The following ELAVL4 variants were observed in gnomAD, a reference collection of about 807,000 sequenced individuals.
ELAVL4 encodes the protein ELAV-like protein 4.
Under a neutral mutation model 35.6 loss-of-function variants are expected in ELAVL4, and 1 was observed. That is an observed-to-expected ratio of 0.03 (90% CI 0.01 to 0.13). The LOEUF (loss-of-function observed/expected upper bound fraction) is 0.13, where lower values mean the gene tolerates loss of function less well. Ranked by LOEUF, ELAVL4 falls within the 10% of genes least tolerant of loss-of-function variation. ELAVL4 has a pLI of 1.00. For synonymous variants in ELAVL4, 156 were observed against 171.0 expected (o/e 0.91, Z 0.69); for missense variants, 267 against 464.9 (o/e 0.57, Z 3.91).
At chr1:50,070,132 C>T (rs1213221948) in intron 1 of ELAVL4, among the ~76,000 whole-genome samples, 1 of 152,144 alleles carries the variant, frequency 6.6e-6, no homozygotes. Flanking sequence ...GCTTTCTTGA[C>T]ACTGTTAATG....
intron 1 of ELAVL4, among the ~76,000 whole-genome samples, chr1:50,060,771 A>C (rs1663921557): frequency 1.3e-5 from 2 of 152,164 alleles, no homozygotes; most frequent in South Asian, 4.1e-4. Context: ...ACAGGCCCAG[A>C]ACCTGATTTC....
intron 1 of ELAVL4, among the ~76,000 whole-genome samples, chr1:50,095,398 T>C (rs1034492508): frequency 5.3e-5 from 8 of 152,124 alleles, no homozygotes; most frequent in Admixed American, 2.6e-4. Context: ...CATAATATTT[T>C]GCTTAGAAAA....
At chr1:50,157,295 C>G (rs184744268) in intron 2 of ELAVL4, among the ~76,000 whole-genome samples, 1 of 152,110 alleles carries the variant, frequency 6.6e-6, no homozygotes, top group Non-Finnish European at 1.5e-5. Flanking sequence ...ACTGACTTTT[C>G]GCACCTTTCT....
At chr1:50,066,432 T>A (rs774837458) in intron 1 of ELAVL4, among the ~76,000 whole-genome samples, 2 of 152,180 alleles carry the variant, frequency 1.3e-5, no homozygotes, top group African/African-American at 2.4e-5. Flanking sequence ...TTTTCTTTCA[T>A]CATTTCATGT....
At chr1:50,142,200 T>C (rs1388739289) in intron 1 of ELAVL4, among the ~76,000 whole-genome samples, 3 of 152,176 alleles carry the variant, frequency 2.0e-5, no homozygotes. Context: ...ACTAAGTTTT[T>C]TGTTTTTTTG....
rs572365646 is a variant in ELAVL4 at position 50,070,844 on chromosome 1, C to T, written c.18+22662C>T. On this transcript the variant is annotated intron_variant, in intron 1 of 6. Transcript: ENST00000448907. Reference sequence around the variant, plus strand: ...CTTCAACTTTTTGCTTTGGAAATACCACATACTCCATAGGACTGTTGGTGG... The same window carrying T: ...CTTCAACTTTTTGCTTTGGAAATACTACATACTCCATAGGACTGTTGGTGG... Among the ~76,000 whole-genome samples the T allele has an allele frequency of 1.9e-3, 293 of 152,012 alleles. 10 individuals carry two copies. In the South Asian group the frequency reaches 0.06, roughly 31 times the overall value.
intron 3 of ELAVL4, among the ~76,000 whole-genome samples, chr1:50,182,281 A>T (rs924637274): frequency 6.6e-6 from 1 of 152,260 alleles, no homozygotes; most frequent in African/African-American, 2.4e-5. Context: ...ATTGATGTTC[A>T]AATTACATTG....
At chr1:50,136,138 A>G (rs1671845644) in intron 1 of ELAVL4, among the ~76,000 whole-genome samples, 2 of 152,188 alleles carry the variant, frequency 1.3e-5, no homozygotes, top group Non-Finnish European at 2.9e-5. Context: ...CTTTAAAGAA[A>G]TATGAAATTG....
At chr1:50,119,197 C>T (rs1668611136) in intron 1 of ELAVL4, among the ~76,000 whole-genome samples, 1 of 151,980 alleles carries the variant, frequency 6.6e-6, no homozygotes, top group Non-Finnish European at 1.5e-5. Context: ...GAGGATTTTG[C>T]AGGTGTGTGT....
chr1:50,069,844 C>G (rs1186735815), intron 1 of ELAVL4, among the ~76,000 whole-genome samples: 1 of 152,174 alleles, frequency 6.6e-6, no homozygotes, highest in Non-Finnish European at 1.5e-5. Flanking sequence ...CCTTTGTAGA[C>G]CCTTCTTGTG....
intron 1 of ELAVL4, among the ~76,000 whole-genome samples, chr1:50,064,834 C>T (rs188478796): frequency 1.8e-4 from 28 of 152,308 alleles, no homozygotes; most frequent in Admixed American, 1.2e-3. Flanking sequence ...TACTTTTCAT[C>T]TCTTACTGTT....
chr1:50,107,043 T>C (rs1666388586), upstream of ELAVL4, among the ~76,000 whole-genome samples: 1 of 152,236 alleles, frequency 6.6e-6, no homozygotes, highest in Admixed American at 6.5e-5. Flanking sequence ...GTCAGCATTG[T>C]CTTAATGTTT....
chr1:50,104,111 C>T (rs1325927315), upstream of ELAVL4: 6 of 1,151,524 alleles, frequency 5.2e-6, no homozygotes, highest in African/African-American at 1.5e-5. Context: ...CTTAAAAACC[C>T]GCTTCATCTT....
intron 1 of ELAVL4, among the ~76,000 whole-genome samples, chr1:50,126,785 C>T (rs776565842): frequency 1.2e-4 from 18 of 152,112 alleles, no homozygotes; most frequent in Non-Finnish European, 2.2e-4. Context: ...CCTGAAATTA[C>T]CTTAAAAACA....
intron 2 of ELAVL4, among the ~76,000 whole-genome samples, chr1:50,166,105 G>A (rs1677871486): frequency 1.3e-5 from 2 of 151,954 alleles, no homozygotes; most frequent in Non-Finnish European, 2.9e-5. Context: ...GGGTGGATCT[G>A]CCTTTGTTAA....
At chr1:50,050,332 C>T (rs1663288308) in intron 1 of ELAVL4, among the ~76,000 whole-genome samples, 1 of 152,160 alleles carries the variant, frequency 6.6e-6, no homozygotes, top group African/African-American at 2.4e-5. Flanking sequence ...GGAGATTTGG[C>T]TACAAAGGGA....
intron 2 of ELAVL4, among the ~76,000 whole-genome samples, chr1:50,148,820 G>T (rs1674203399): frequency 6.6e-6 from 1 of 152,268 alleles, no homozygotes; most frequent in African/African-American, 2.4e-5. Context: ...ACTCCAAGGA[G>T]TTGATTTAGT....
chr1:50,191,151 C>T (rs1682602331), intron 3 of ELAVL4, among the ~76,000 whole-genome samples: 2 of 151,980 alleles, frequency 1.3e-5, no homozygotes, highest in Non-Finnish European at 2.9e-5. Flanking sequence ...TGTCTGTTGC[C>T]CTCTTTGGAC....
intron 1 of ELAVL4, among the ~76,000 whole-genome samples, chr1:50,109,454 G>A (rs937576503): frequency 8.6e-5 from 13 of 152,028 alleles, no homozygotes; most frequent in Non-Finnish European, 1.3e-4. Context: ...GAGGGGGAGG[G>A]CTGAAATAAT....
Sources: gnomAD v4.1 joint callset for allele counts (sites outside exome capture counted in the v4.1 genomes callset) on GRCh38, gnomAD v4.1.1 for gene constraint, MANE v1.5 for transcripts, NCBI Gene and HGNC (gene_info 2026-07-23, HGNC 2026-07-21) for gene names.